MYPN: variants seen among roughly 807,000 people sequenced by gnomAD.
The protein encoded by MYPN is sarcomeric protein myopalladin, 145 kDa (MYOP).
A neutral mutation model predicts 129.4 loss-of-function variants in MYPN; 63 were observed. The ratio of observed to expected loss-of-function variants is 0.49; its 90% CI spans 0.40 to 0.60. The LOEUF (loss-of-function observed/expected upper bound fraction) is 0.60, where lower values mean the gene tolerates loss of function less well. Among genes scored for constraint, MYPN ranks in the 20% least tolerant of loss-of-function variants. The pLI is 0.00. For synonymous variants in MYPN, 629 were observed against 600.9 expected, an observed-to-expected ratio of 1.05 and a Z score of -0.68; for missense variants, 1,596 against 1,635.4, an observed-to-expected ratio of 0.98 and a Z score of 0.42.
At chr10:68,150,383 G>T (rs2042748938) in intron 6 of MYPN, among the ~76,000 whole-genome samples, 1 of 152,074 alleles carries the variant, frequency 6.6e-6, no homozygotes, top group African/African-American at 2.4e-5. Flanking sequence ...ACCCCTAGAG[G>T]TCAAGTGATA....
At chr10:68,160,259 C>CA (rs2042951228) in intron 7 of MYPN, among the ~76,000 whole-genome samples, 1 of 149,356 alleles carries the variant, frequency 6.7e-6, no homozygotes, top group African/African-American at 2.5e-5. Context: ...CCAAAAACAA[C>CA]AAAAACAAAA....
At chr10:68,184,102 A>G (rs1476349182) in intron 12 of MYPN, among the ~76,000 whole-genome samples, 1 of 152,208 alleles carries the variant, frequency 6.6e-6, no homozygotes, top group Non-Finnish European at 1.5e-5. Context: ...ATTTTATTCT[A>G]TAGACCTCAG....
In MYPN at chr10:68,174,481, T is replaced by C. The variant is rs749206570; in HGVS notation, c.2389T>C (p.Phe797Leu). ...CCCAACAGAACCAACACCACCACCATTCACATTTTCCATCCCCAGCGGAAA... is the reference window on the plus strand; with the variant it reads ...CCCAACAGAACCAACACCACCACCACTCACATTTTCCATCCCCAGCGGAAA... ...PGPTEPTPPP[F>L]TFSIPSGNQF... The change falls in exon 11 of 20, where the codon TTC becomes CTC. Residue 797 changes from phenylalanine (F) to leucine (L), a missense_variant. Phe to Leu is a conservative substitution (Grantham distance 22). Coordinates refer to ENST00000358913, the MANE Select transcript of MYPN (RefSeq NM_032578.4). The C allele has an allele frequency of 5.6e-6, 9 of 1,613,826 alleles. No individual in the cohort carries two copies. Among genetic ancestry groups the C allele is most frequent in the Admixed American group, 5.0e-5 (3 of 59,976 alleles).
chr10:68,200,082 G>T (rs1036353454), intron 17 of MYPN, among the ~76,000 whole-genome samples: 2 of 152,138 alleles, frequency 1.3e-5, no homozygotes, highest in African/African-American at 4.8e-5. Context: ...CCTAACAACC[G>T]TAAAGTGTTT....
chr10:68,174,433 CA>C lies in MYPN; in HGVS notation c.2345del (p.Asn782MetfsTer79). On this transcript the variant is annotated frameshift_variant, in exon 11 of 20. Transcript: ENST00000358913. LOFTEE classifies it high-confidence loss of function. ...CAAATCTCCAGGAGGGCTTTCCATC[CA>C]AAATGAGCCACTCCCACCAGGCCCA... Reference protein sequence around the residue: ...QTKSPGGLSIQNEPLPPGPTE... With the variant: ...QTKSPGGLSIXNEPLPPGPTE... 6.2e-7 allele frequency: 1 copy of C among 1,614,064 alleles called. No homozygotes were observed. The highest frequency in any genetic ancestry group is 1.3e-5 in the African/African-American group (1 of 75,012).
chr10:68,131,222 C>A (rs1207504336), intron 2 of MYPN, among the ~76,000 whole-genome samples: 1 of 152,066 alleles, frequency 6.6e-6, no homozygotes, highest in Admixed American at 6.5e-5. Context: ...AACCCCGTCT[C>A]TACCAAAAAT....
At chr10:68,115,272 A>AG in intron 1 of MYPN, among the ~76,000 whole-genome samples, 1 of 151,890 alleles carries the variant, frequency 6.6e-6, no homozygotes, top group South Asian at 2.1e-4. Flanking sequence ...AAAAAAAAAA[A>AG]AAAAAAAAGT....
rs187335124 is a variant in MYPN at position 68,146,187 on chromosome 10, T to C, written c.1130+661T>C. On this transcript the variant is annotated intron_variant, in intron 4 of 19. Transcript: ENST00000358913. Reference sequence around the variant, plus strand: ...CAGTAGAGCATCAACCAGGTTTTTCTGTCCCCTCCTTCCTTCCCCACCTCA... The same window carrying C: ...CAGTAGAGCATCAACCAGGTTTTTCCGTCCCCTCCTTCCTTCCCCACCTCA... Among the ~76,000 whole-genome samples, 667 of 152,368 alleles carry C rather than the reference T, an allele frequency of 4.4e-3. 3 individuals are homozygous for C. The highest frequency in any genetic ancestry group is 5.1e-3 in the Non-Finnish European group (350 of 68,036).
chr10:68,183,050 T>C (rs993441386), intron 12 of MYPN, among the ~76,000 whole-genome samples: 4 of 152,186 alleles, frequency 2.6e-5, no homozygotes. Context: ...AATTGTTTGT[T>C]TGGAATACAT....
chr10:68,089,637 G>A (rs1276309153), intron 1 of MYPN, among the ~76,000 whole-genome samples: 3 of 152,138 alleles, frequency 2.0e-5, no homozygotes, highest in Admixed American at 6.5e-5. Flanking sequence ...GAGCCAGCGC[G>A]CCTGGCCTTA....
intron 2 of MYPN, among the ~76,000 whole-genome samples, chr10:68,129,870 T>C (rs1201888162): frequency 6.6e-6 from 1 of 152,200 alleles, no homozygotes; most frequent in Non-Finnish European, 1.5e-5. Context: ...AAACATTTCC[T>C]TTGAGTGTTG....
upstream of MYPN, among the ~76,000 whole-genome samples, chr10:68,103,848 G>A (rs941581801): frequency 1.3e-5 from 2 of 152,206 alleles, no homozygotes; most frequent in Non-Finnish European, 2.9e-5. Flanking sequence ...TACTTTGGAG[G>A]CTGAGGCAGG....
intron 2 of MYPN, among the ~76,000 whole-genome samples, chr10:68,129,420 C>T (rs1446915726): frequency 6.6e-6 from 1 of 152,134 alleles, no homozygotes; most frequent in African/African-American, 2.4e-5. Flanking sequence ...CCATGTTACA[C>T]ACAACTCTAA....
rs532560652 is a variant in MYPN, at chr10:68,203,343, T to A, written c.3659+1349T>A. Among the ~76,000 whole-genome samples, 10 of 152,146 alleles carry A rather than the reference T, an allele frequency of 6.6e-5. No homozygotes were observed. In the South Asian group the frequency reaches 2.1e-3, roughly 32 times the overall value. ...GTGGCTCATGCCTGTAATCCCAACA[T>A]TTTGGGAGGCCAAGGCAGGAGGATT... On this transcript the variant is annotated intron_variant, in intron 18 of 19. Coordinates refer to ENST00000358913, the MANE Select transcript of MYPN (RefSeq NM_032578.4).
At chr10:68,123,664 C>A (rs998835265) in intron 2 of MYPN, among the ~76,000 whole-genome samples, 2 of 149,000 alleles carry the variant, frequency 1.3e-5, no homozygotes, top group African/African-American at 5.0e-5. Context: ...CCAGCCTGGG[C>A]GACAGAGCGA....
intron 16 of MYPN, among the ~76,000 whole-genome samples, chr10:68,198,955 C>T (rs1028530862): frequency 2.6e-5 from 4 of 151,358 alleles, no homozygotes; most frequent in South Asian, 4.2e-4. Context: ...AACAAACCTG[C>T]GTGTTCTGCA....
chr10:68,201,496 G>A (rs1190041262), intron 17 of MYPN, among the ~76,000 whole-genome samples: 1 of 152,136 alleles, frequency 6.6e-6, no homozygotes, highest in Non-Finnish European at 1.5e-5. Flanking sequence ...ACCAGGCACA[G>A]TGGCTTATGC....
intron 12 of MYPN, among the ~76,000 whole-genome samples, chr10:68,182,992 C>G (rs1041040407): frequency 2.0e-5 from 3 of 152,128 alleles, no homozygotes; most frequent in African/African-American, 7.2e-5. Context: ...TCAATTCAAA[C>G]ATTTAAATTC....
intron 10 of MYPN, among the ~76,000 whole-genome samples, chr10:68,171,953 A>G (rs1037542898): frequency 6.6e-6 from 1 of 152,252 alleles, no homozygotes; most frequent in African/African-American, 2.4e-5. Context: ...TTGATACAGT[A>G]TCTCAAGTTG....
Sources: gnomAD v4.1 joint callset for allele counts (sites outside exome capture counted in the v4.1 genomes callset) on GRCh38, gnomAD v4.1.1 for gene constraint, MANE v1.5 for transcripts, NCBI Gene and HGNC (gene_info 2026-07-23, HGNC 2026-07-21) for gene names.